The following TM4SF18 variants were observed in gnomAD, a reference collection of about 807,000 sequenced individuals.
TM4SF18 encodes transmembrane 4 L six family member 18.
TM4SF18 carries 22 observed loss-of-function variants against 23.8 expected under a neutral mutation model. The observed-to-expected ratio is 0.92, with a 90% confidence interval of 0.66 to 1.32. The LOEUF (loss-of-function observed/expected upper bound fraction) is 1.32. Among genes scored for constraint, TM4SF18 ranks in the 40% most tolerant of loss-of-function variants. TM4SF18 has a pLI of 0.00. For missense variants in TM4SF18, 255 were observed against 240.3 expected (o/e 1.06, Z -0.41); for synonymous variants, 87 against 87.9 (o/e 0.99, Z 0.06).
At chr3:149,325,327 G>A (rs1174845535) in intron 3 of TM4SF18, among the ~76,000 whole-genome samples, 1 of 152,148 alleles carries the variant, frequency 6.6e-6, no homozygotes, top group East Asian at 1.9e-4. Context: ...AGTGAAGGAT[G>A]TGATCAATCA....
intron 3 of TM4SF18, among the ~76,000 whole-genome samples, chr3:149,327,797 A>G (rs1730986985): frequency 6.6e-6 from 1 of 152,202 alleles, no homozygotes; most frequent in Admixed American, 6.5e-5. Context: ...AGATCAGTGA[A>G]GAATTTCTTC....
intron 2 of TM4SF18, among the ~76,000 whole-genome samples, chr3:149,331,391 T>A (rs1731084600): frequency 6.6e-6 from 1 of 152,224 alleles, no homozygotes; most frequent in African/African-American, 2.4e-5. Context: ...CTAGTTTTAA[T>A]TTTTACATGG....
chr3:149,328,425 A>G (rs1242163936), intron 3 of TM4SF18, among the ~76,000 whole-genome samples: 2 of 152,224 alleles, frequency 1.3e-5, no homozygotes, highest in Non-Finnish European at 2.9e-5. Context: ...AGTGAGAATT[A>G]GGTTTCCATG....
chr3:149,328,868 T>C lies in TM4SF18; in HGVS notation c.267+1462A>G, dbSNP rs998612716. Among the ~76,000 whole-genome samples, 24 of 152,336 alleles carry C rather than the reference T, an allele frequency of 1.6e-4. 1 individual carries two copies. The highest frequency in any genetic ancestry group is 4.8e-4 in the African/African-American group (20 of 41,582). On this transcript the variant is annotated intron_variant, in intron 3 of 5. Transcript: ENST00000296059. ...CGGAGAATCCTCTCTTTCTTTCTCCTGCTGTTCCCAATGAGATGTTAGTCA... is the reference window on the plus strand; with the variant it reads ...CGGAGAATCCTCTCTTTCTTTCTCCCGCTGTTCCCAATGAGATGTTAGTCA...
intron 2 of TM4SF18, among the ~76,000 whole-genome samples, chr3:149,332,420 G>C (rs1260346794): frequency 6.6e-6 from 1 of 152,046 alleles, no homozygotes; most frequent in Non-Finnish European, 1.5e-5. Context: ...CCTCTGAGTT[G>C]CCAACATGAT....
In TM4SF18 at chr3:149,325,037, A is replaced by G. The variant is rs1350120646; in HGVS notation, c.268-15T>C. On this transcript the variant is annotated splice_polypyrimidine_tract_variant and intron_variant, in intron 3 of 5. Transcript: ENST00000296059. ...GACAGCAGTGTCTAAATTAAAACAT[A>G]GAAGCAGGTTAGTACCATAGAATGC... The G allele has an allele frequency of 2.5e-6, 4 of 1,611,582 alleles. No individual in the cohort carries two copies. The highest frequency in any genetic ancestry group is 1.7e-5 in the Admixed American group (1 of 59,970).
chr3:149,323,532 A>C (rs1374400084), intron 4 of TM4SF18, among the ~76,000 whole-genome samples: 4 of 152,198 alleles, frequency 2.6e-5, no homozygotes, highest in Non-Finnish European at 5.9e-5. Context: ...GCGGCAGAGA[A>C]ACATGAATTG....
rs913796736 is a variant in TM4SF18 at position 149,324,901 on chromosome 3, G to A, written c.389C>T (p.Ala130Val). 1.9e-6 allele frequency: 3 copies of A among 1,614,024 alleles called. No individual in the cohort carries two copies. The highest frequency in any genetic ancestry group is 2.5e-6 in the Non-Finnish European group (3 of 1,180,028). The part of the protein sequence containing the change: ...YCRTLDGWEY[A>V]FEGTAGRFLT... ...TTACCGTCCAGCAGTGCCTTCAAAA[G>A]CATACTCCCAGCCATCAAGGGTGCG... is the stretch of plus-strand genomic sequence containing the variant. Residue 130 changes from alanine to valine, a missense_variant, in exon 4 of 6, where the codon GCT becomes GTT. By Grantham distance (64) the Ala-to-Val change is moderately conservative. Coordinates refer to ENST00000296059, the MANE Select transcript of TM4SF18 (RefSeq NM_138786.4).
At chr3:149,330,450 A>T in intron 2 of TM4SF18, 31 bp from the exon 3 acceptor site, 1 of 1,406,282 alleles carries the variant, frequency 7.1e-7, no homozygotes, top group South Asian at 1.2e-5. Context: ...AATGTTAGCA[A>T]TGAAATGCTA....
chr3:149,326,792 G>T (rs781584410), intron 3 of TM4SF18, among the ~76,000 whole-genome samples: 1 of 152,058 alleles, frequency 6.6e-6, no homozygotes, highest in Non-Finnish European at 1.5e-5. Flanking sequence ...GTCCAAATTC[G>T]GCCAATGTGA....
At chr3:149,333,183 CAA>C (rs1731123705) in intron 2 of TM4SF18, 21 bp downstream of exon 2, 1 of 1,595,178 alleles carries the variant, frequency 6.3e-7, no homozygotes, top group Non-Finnish European at 8.6e-7. Flanking sequence ...CCTTCTCTCC[CAA>C]GTCTCCAAAT....
chr3:149,321,457 TG>T lies in TM4SF18; in HGVS notation c.*20del. On this transcript the variant is annotated 3_prime_UTR_variant, in exon 6 of 6. Coordinates refer to ENST00000296059, the MANE Select transcript of TM4SF18 (RefSeq NM_138786.4). Reference sequence around the variant, plus strand: ...TAGATAGATGGCCATGTCTTGATAATGGAAAACATTTTGTCCTTATTCAAAT... The same window carrying T: ...TAGATAGATGGCCATGTCTTGATAATGAAAACATTTTGTCCTTATTCAAAT... 6.4e-7 allele frequency: 1 copy of T among 1,553,938 alleles called. No individual in the cohort carries two copies. The highest frequency in any genetic ancestry group is 8.8e-7 in the Non-Finnish European group (1 of 1,139,398).
intron 3 of TM4SF18, among the ~76,000 whole-genome samples, chr3:149,329,314 G>T (rs149892306): frequency 6.6e-6 from 1 of 152,050 alleles, no homozygotes; most frequent in Non-Finnish European, 1.5e-5. Flanking sequence ...TCTTGACTAC[G>T]CATTGAAATA....
In TM4SF18 at chr3:149,320,522, G is replaced by C. The variant is rs747161279; in HGVS notation, c.*956C>G. The C allele has an allele frequency of 2.0e-5, 3 of 152,036 alleles. No homozygotes were observed. Among genetic ancestry groups the C allele is most frequent in the Non-Finnish European group, 4.4e-5 (3 of 68,010 alleles). 9.4% of individuals were successfully genotyped at this position (152,036 alleles called of 1,614,324 possible). A position where few individuals can be genotyped will look rare whatever the true frequency, so the allele number is the denominator to read the frequency against. On this transcript the variant is annotated 3_prime_UTR_variant, in exon 6 of 6. Coordinates refer to ENST00000296059, the MANE Select transcript of TM4SF18 (RefSeq NM_138786.4). ...TCCCTAGCTGCTCACTTATTTTAAG[G>C]CTACCTCTTCTAGTCCATCACACTC...
intron 3 of TM4SF18, among the ~76,000 whole-genome samples, chr3:149,328,851 CCT>C (rs1468833133): frequency 6.6e-6 from 1 of 152,092 alleles, no homozygotes. Context: ...CCCGGAGAAT[CCT>C]CTCTTTCTTT....
chr3:149,325,015 A>T lies in TM4SF18; in HGVS notation c.275T>A (p.Leu92Gln). ...ENCSKKYVTL[L>Q]SIIFSSLGIA... ...TCCGAGGGAAGAAAAGATAATTGACAGCAGTGTCTAAATTAAAACATAGAA... is the reference window on the plus strand; with the variant it reads ...TCCGAGGGAAGAAAAGATAATTGACTGCAGTGTCTAAATTAAAACATAGAA... Residue 92 changes from leucine to glutamine, a missense_variant, in exon 4 of 6, where the codon CTG (leucine) becomes CAG (glutamine). Transcript: ENST00000296059. 1 of 1,613,718 alleles carries T rather than the reference A, an allele frequency of 6.2e-7. No individual in the cohort carries two copies.
At position 149,321,822 on chromosome 3, in the gene TM4SF18, A is replaced by G. The variant is rs77014615; in HGVS notation, c.592-330T>C. Reference sequence around the variant, plus strand: ...TCCCTTCTTCTTCAAAAGCACTCCTATGCACTCGAGATAAAGGTTCATTAG... The same window carrying G: ...TCCCTTCTTCTTCAAAAGCACTCCTGTGCACTCGAGATAAAGGTTCATTAG... On this transcript the variant is annotated intron_variant, in intron 5 of 5. Coordinates refer to ENST00000296059, the MANE Select transcript of TM4SF18 (RefSeq NM_138786.4). Among the ~76,000 whole-genome samples the G allele has an allele frequency of 6.8e-3, 1,029 of 152,316 alleles. 18 individuals carry two copies. Among genetic ancestry groups the G allele is most frequent in the African/African-American group, 0.023 (939 of 41,572 alleles).
intron 3 of TM4SF18, among the ~76,000 whole-genome samples, chr3:149,329,002 T>G (rs1526788): frequency 2.0e-5 from 3 of 151,962 alleles, no homozygotes; most frequent in African/African-American, 7.3e-5. Context: ...AATTTTTATT[T>G]TACACTTAAT....
rs1324198650 is a variant in TM4SF18 at position 149,333,404 on chromosome 3, G to A, written c.-17-5C>T. 7 of 1,586,786 alleles carry A rather than the reference G, an allele frequency of 4.4e-6. No homozygotes were observed. The highest frequency in any genetic ancestry group is 4.6e-5 in the East Asian group (2 of 43,904). ...CCATTTTGCCCTGCTTAGAACCTGCGGGAGATTTCAAGAGTATACAGTCAC... is the reference window on the plus strand; with the variant it reads ...CCATTTTGCCCTGCTTAGAACCTGCAGGAGATTTCAAGAGTATACAGTCAC... On this transcript the variant is annotated splice_region_variant and splice_polypyrimidine_tract_variant and intron_variant, in intron 1 of 5. Transcript: ENST00000296059.
Sources: gnomAD v4.1 joint callset for allele counts (sites outside exome capture counted in the v4.1 genomes callset) on GRCh38, gnomAD v4.1.1 for gene constraint, MANE v1.5 for transcripts, NCBI Gene and HGNC (gene_info 2026-07-23, HGNC 2026-07-21) for gene names.